The following DNAJC11 variants were observed in gnomAD, a reference collection of about 807,000 sequenced individuals.
The protein encoded by DNAJC11 is dnaJ homolog subfamily C member 11.
In DNAJC11, 15 loss-of-function variants were observed where a neutral mutation model predicts 78.6. That is an observed-to-expected ratio of 0.19 (90% CI 0.13 to 0.29). The LOEUF is 0.29. Ranked by LOEUF, DNAJC11 falls within the 10% of genes least tolerant of loss-of-function variation. DNAJC11 has a pLI of 1.00. For missense variants in DNAJC11, 547 were observed against 709.6 expected (o/e 0.77, Z 2.60); for synonymous variants, 292 against 272.1 (o/e 1.07, Z -0.72).
chr1:6,645,565 G>A lies in DNAJC11; in HGVS notation c.894+224C>T, dbSNP rs1641951825. Among the ~76,000 whole-genome samples the A allele has an allele frequency of 6.6e-6, 1 of 152,212 alleles. No individual in the cohort carries two copies. The highest frequency in any genetic ancestry group is 6.5e-5 in the Admixed American group (1 of 15,286). ...TTAAGATGTTGTTCTGCTTTAAGAT[G>A]ATCCAACAAAGCTGCCCCAGGCGCC... On this transcript the variant is annotated intron_variant, in intron 8 of 15. Coordinates refer to ENST00000377577, the MANE Select transcript of DNAJC11 (RefSeq NM_018198.4). The surrounding 1 kb of genome is among the most constrained non-coding windows in gnomAD (Gnocchi z 4.1).
intron 10 of DNAJC11, 32 bp from the exon 11 acceptor site, chr1:6,640,089 A>AAG: frequency 1.3e-6 from 2 of 1,512,244 alleles, no homozygotes; most frequent in Non-Finnish European, 1.8e-6. Flanking sequence ...AAAAAAAAAA[A>AAG]GCCAAGATGA....
chr1:6,696,645 G>A (rs1262967408), intron 1 of DNAJC11, among the ~76,000 whole-genome samples: 2 of 152,162 alleles, frequency 1.3e-5, no homozygotes, highest in Admixed American at 1.3e-4. Flanking sequence ...GCAGGGACTT[G>A]GGGTAAACTT....
intron 4 of DNAJC11, 131 bp downstream of exon 4, chr1:6,667,578 G>C: frequency 1.4e-6 from 1 of 724,408 alleles, no homozygotes; most frequent in Non-Finnish European, 2.3e-6. Flanking sequence ...CATAATATAA[G>C]CTAAATTTTG....
Position 6,686,877 on chromosome 1 carries a change from C to T in DNAJC11, c.73-5840G>A, listed in dbSNP as rs148318287. The stretch of plus-strand genomic sequence containing the variant: ...TTGCTTTAGCCTGTATTTTCAAACT[C>T]GAACTTCCAGGCGATGTATCTGTAT... On this transcript the variant is annotated intron_variant, in intron 1 of 15. Coordinates refer to ENST00000377577, the MANE Select transcript of DNAJC11 (RefSeq NM_018198.4). Among the ~76,000 whole-genome samples, 59 of 152,264 alleles carry T rather than the reference C, an allele frequency of 3.9e-4. 2 individuals carry two copies. In the East Asian group the frequency reaches 0.01, roughly 27 times the overall value.
intron 4 of DNAJC11, among the ~76,000 whole-genome samples, chr1:6,665,244 A>G (rs1642276920): frequency 6.6e-6 from 1 of 152,068 alleles, no homozygotes; most frequent in Non-Finnish European, 1.5e-5. Context: ...ATTTGTAAAT[A>G]TTTTGTAGAG....
At chr1:6,658,045 A>T (rs1642157990) in intron 4 of DNAJC11, among the ~76,000 whole-genome samples, 1 of 152,222 alleles carries the variant, frequency 6.6e-6, no homozygotes, top group South Asian at 2.1e-4. Flanking sequence ...CAGAATCTTC[A>T]CCAGGACTAG....
chr1:6,675,011 C>T (rs1011701992), intron 3 of DNAJC11, among the ~76,000 whole-genome samples: 1 of 152,206 alleles, frequency 6.6e-6, no homozygotes, highest in African/African-American at 2.4e-5. Flanking sequence ...GAAGGGAATA[C>T]AGCTTCCTCC....
At chr1:6,637,945 C>G in intron 12 of DNAJC11, 1 of 384,952 alleles carries the variant, frequency 2.6e-6, no homozygotes, top group African/African-American at 2.0e-5. Flanking sequence ...CCCCCTCAGA[C>G]AGGCATGTGC....
intron 1 of DNAJC11, among the ~76,000 whole-genome samples, chr1:6,691,477 C>A (rs1262768882): frequency 6.6e-6 from 1 of 152,202 alleles, no homozygotes; most frequent in African/African-American, 2.4e-5. Context: ...TAGAAACAAG[C>A]TCCAGAGTTG....
At chr1:6,646,358 T>A (rs923663296) in intron 7 of DNAJC11, among the ~76,000 whole-genome samples, 1 of 152,206 alleles carries the variant, frequency 6.6e-6, no homozygotes, top group Non-Finnish European at 1.5e-5. Context: ...GTGGTGCTCA[T>A]ACTGCACGCT....
At chr1:6,667,913 G>C in intron 3 of DNAJC11, 103 bp from the exon 4 acceptor site, 1 of 1,067,262 alleles carries the variant, frequency 9.4e-7, no homozygotes, top group Non-Finnish European at 1.4e-6. Flanking sequence ...CATGCTGCCT[G>C]GGGTCCGGCC....
At chr1:6,639,808 C>A in intron 11 of DNAJC11, 94 bp downstream of exon 11, 1 of 1,393,386 alleles carries the variant, frequency 7.2e-7, no homozygotes, top group Non-Finnish European at 9.6e-7. Context: ...CCTCATCACC[C>A]GACGCAGGAG....
chr1:6,635,774 G>A, intron 15 of DNAJC11, 74 bp from the exon 16 acceptor site: 1 of 1,552,950 alleles, frequency 6.4e-7, no homozygotes, highest in Non-Finnish European at 8.8e-7. Context: ...ATGGGGCTCA[G>A]CAGTCACCCG....
chr1:6,678,772 C>T (rs1179028313), intron 2 of DNAJC11, among the ~76,000 whole-genome samples: 1 of 152,228 alleles, frequency 6.6e-6, no homozygotes, highest in Non-Finnish European at 1.5e-5. Flanking sequence ...CCTGCTCTAG[C>T]TTCCCAAGCA....
intron 4 of DNAJC11, among the ~76,000 whole-genome samples, chr1:6,657,617 T>A (rs190262676): frequency 1.4e-4 from 21 of 152,346 alleles, no homozygotes; most frequent in Admixed American, 1.4e-3. Flanking sequence ...GTGAACAGAC[T>A]AAAGTCTGTA....
At chr1:6,698,778 C>T (rs974062526) in intron 1 of DNAJC11, among the ~76,000 whole-genome samples, 2 of 149,664 alleles carry the variant, frequency 1.3e-5, no homozygotes, top group African/African-American at 2.5e-5. Flanking sequence ...CCTGTCTCTA[C>T]AAAAACTACA....
At chr1:6,656,066 C>T (rs1642121382) in intron 4 of DNAJC11, among the ~76,000 whole-genome samples, 1 of 145,462 alleles carries the variant, frequency 6.9e-6, no homozygotes, top group African/African-American at 2.6e-5. Flanking sequence ...TGTGCCACTG[C>T]ACTCCAGCCT....
intron 3 of DNAJC11, among the ~76,000 whole-genome samples, chr1:6,676,650 A>G (rs1448987502): frequency 2.0e-5 from 3 of 152,182 alleles, no homozygotes; most frequent in East Asian, 3.9e-4. Context: ...AACACACTGC[A>G]GCCTGGGCGA....
At chr1:6,660,890 G>A (rs187899912) in intron 4 of DNAJC11, among the ~76,000 whole-genome samples, 298 of 152,292 alleles carry the variant, frequency 2.0e-3, no homozygotes, top group African/African-American at 6.9e-3. Flanking sequence ...CTCCCACAAT[G>A]AGAAACTTCT....
Sources: allele counts gnomAD v4.1 joint callset (sites outside exome capture counted in the v4.1 genomes callset), GRCh38; gene constraint gnomAD v4.1.1; non-coding constraint Gnocchi (gnomAD v3.1); transcripts MANE v1.5; gene names NCBI Gene and HGNC (gene_info 2026-07-23, HGNC 2026-07-21).